MTCL1: variants seen among roughly 807,000 people sequenced by gnomAD.
The protein encoded by MTCL1 is microtubule crosslinking factor 1, also known as microtubule cross-linking factor 1.
A neutral mutation model predicts 141.4 loss-of-function variants in MTCL1; 79 were observed. That is an observed-to-expected ratio of 0.56 (90% CI 0.47 to 0.67). The LOEUF (loss-of-function observed/expected upper bound fraction) is 0.67. Ranked by LOEUF, MTCL1 falls within the 30% of genes least tolerant of loss-of-function variation. The probability of loss-of-function intolerance (pLI) is 0.00; values close to 1 mark genes in which losing one functional copy is unlikely to be tolerated. For synonymous variants in MTCL1, 914 were observed against 875.8 expected, an observed-to-expected ratio of 1.04 and a Z score of -0.77; for missense variants, 2,177 against 2,113.9, an observed-to-expected ratio of 1.03 and a Z score of -0.59.
chr18:8,780,327 C>T (rs2096528458), intron 5 of MTCL1, among the ~76,000 whole-genome samples: 1 of 152,244 alleles, frequency 6.6e-6, no homozygotes, highest in African/African-American at 2.4e-5. Flanking sequence ...TCGCCTGCAC[C>T]TCCTGGACTG....
chr18:8,809,750 G>A lies in MTCL1; in HGVS notation c.2604+2690G>A, dbSNP rs2076419422. ...GGTGCCTGGGCGATGGGCCATCACT[G>A]AGACAGGAACGCAGAGAGACAACCA... On this transcript the variant is annotated intron_variant, in intron 11 of 16. Coordinates refer to ENST00000359865, the Ensembl canonical transcript of MTCL1. 3 of 830,282 alleles carry A rather than the reference G, an allele frequency of 3.6e-6. No homozygotes were observed. The Admixed American group carries it at 8.8e-5, about 24-fold the overall frequency. 51.4% of individuals were successfully genotyped at this position (830,282 alleles called of 1,614,324 possible).
exon 17 of MTCL1, chr18:8,831,999 A>G (rs2077206003): frequency 1.5e-6 from 1 of 679,006 alleles, no homozygotes. Context: ...TGTGCCTGTA[A>G]TAACTTAATT....
At chr18:8,742,700 GCTGA>G (rs1409766565) in intron 4 of MTCL1, among the ~76,000 whole-genome samples, 8 of 151,928 alleles carry the variant, frequency 5.3e-5, no homozygotes, top group East Asian at 1.9e-4. Flanking sequence ...TTTCCTTTAT[GCTGA>G]CTATTTCAAA....
chr18:8,727,694 T>C (rs960093348), intron 4 of MTCL1, among the ~76,000 whole-genome samples: 8 of 152,210 alleles, frequency 5.3e-5, no homozygotes, highest in African/African-American at 1.9e-4. Context: ...GTGTATTTCT[T>C]CTGAACAGAA....
At chr18:8,706,396 C>G (rs2148731964) in exon 1 of MTCL1, 6 of 1,229,336 alleles carry the variant, frequency 4.9e-6, no homozygotes. Context: ...CCGTGAACCC[C>G]CACGAGGAGC....
intron 4 of MTCL1, among the ~76,000 whole-genome samples, chr18:8,730,168 C>T (rs905999343): frequency 9.9e-5 from 15 of 152,040 alleles, no homozygotes; most frequent in African/African-American, 3.6e-4. Context: ...CTGCCAGAGC[C>T]ACCCAGCCTT....
Position 8,786,361 on chromosome 18 carries a change from C to T in MTCL1, c.1887+270C>T, listed in dbSNP as rs1190057338. ...ACCTCCTGTTTCCGCAGACCGGGAGCACCTGGAAGTAGGCTGATTGGTGAG... is the reference window on the plus strand; with the variant it reads ...ACCTCCTGTTTCCGCAGACCGGGAGTACCTGGAAGTAGGCTGATTGGTGAG... On this transcript the variant is annotated intron_variant, in intron 7 of 16. Transcript: ENST00000359865. The T allele has an allele frequency of 4.5e-6, 3 of 668,726 alleles. No homozygotes were observed. In the African/African-American group the frequency reaches 5.3e-5, roughly 12 times the overall value. The allele number at this position is 668,726 out of a possible 1,614,324, so 41.4% of individuals were successfully genotyped here.
chr18:8,813,154 T>C (rs1225141598), exon 12 of MTCL1: 3 of 1,613,854 alleles, frequency 1.9e-6, no homozygotes, highest in Non-Finnish European at 8.5e-7. Context: ...CGGGAGAAGG[T>C]GGAACTTCTC....
At chr18:8,788,428 A>C (rs1196638539) in intron 7 of MTCL1, among the ~76,000 whole-genome samples, 1 of 152,208 alleles carries the variant, frequency 6.6e-6, no homozygotes, top group Admixed American at 6.5e-5. Context: ...TTTAAGCAGA[A>C]AAAGGATTTG....
intron 16 of MTCL1, 187 bp from the exon 15 acceptor site, chr18:8,831,420 C>G: frequency 1.4e-6 from 2 of 1,418,428 alleles, no homozygotes; most frequent in Middle Eastern, 2.1e-4. Flanking sequence ...TGTCACTGAT[C>G]ATTTGTGTTG....
intron 4 of MTCL1, among the ~76,000 whole-genome samples, chr18:8,748,319 A>G (rs1480723052): frequency 6.6e-6 from 1 of 152,130 alleles, no homozygotes; most frequent in Non-Finnish European, 1.5e-5. Context: ...AGGCAGGAGG[A>G]TCGCTTGAGC....
chr18:8,789,570 C>T (rs1237454266), intron 7 of MTCL1: 9 of 985,186 alleles, frequency 9.1e-6, no homozygotes, highest in Non-Finnish European at 1.1e-5. Flanking sequence ...AAGACATGGA[C>T]GGGAGTTCCG....
chr18:8,720,707 A>C (rs183700496), intron 4 of MTCL1, among the ~76,000 whole-genome samples: 1 of 152,268 alleles, frequency 6.6e-6, no homozygotes, highest in Non-Finnish European at 1.5e-5. Context: ...GAAAGCCCCC[A>C]AAAGCAAAGA....
intron 3 of MTCL1, among the ~76,000 whole-genome samples, chr18:8,719,770 G>A (rs909724384): frequency 2.0e-5 from 3 of 152,010 alleles, no homozygotes; most frequent in Non-Finnish European, 2.9e-5. Flanking sequence ...GGGTCTCACT[G>A]TGTTTCCCAG....
At chr18:8,809,544 G>C in intron 11 of MTCL1, 1 of 1,536,218 alleles carries the variant, frequency 6.5e-7, no homozygotes, top group South Asian at 1.2e-5. Context: ...GAAGAGCCTT[G>C]GGTTGCAGAG....
exon 1 of MTCL1, chr18:8,706,174 C>G (rs1310905617): frequency 1.6e-5 from 19 of 1,223,158 alleles, no homozygotes; most frequent in Non-Finnish European, 1.9e-5. Flanking sequence ...GCCACCCGCC[C>G]GCACCGTCGG....
At chr18:8,717,489 G>A (rs538757475) in intron 1 of MTCL1, 2 of 152,832 alleles carry the variant, frequency 1.3e-5, no homozygotes, top group South Asian at 4.2e-4. Context: ...CAGGAGGCCT[G>A]GAAAGAAGGA....
At chr18:8,716,796 C>CT (rs1434104494), upstream of MTCL1, among the ~76,000 whole-genome samples, 5 of 151,950 alleles carry the variant, frequency 3.3e-5, no homozygotes, top group African/African-American at 1.2e-4. Context: ...ATGGGAATAA[C>CT]TGAGTGCATG....
At chr18:8,792,972 A>C (rs932059109) in intron 7 of MTCL1, 26 bp from the exon 7 acceptor site, 1 of 1,610,856 alleles carries the variant, frequency 6.2e-7, no homozygotes, top group African/African-American at 1.3e-5. Context: ...TTTCCACTAA[A>C]CCCCTTCCTT....
Sources: gnomAD v4.1 joint callset for allele counts (sites outside exome capture counted in the v4.1 genomes callset) on GRCh38, gnomAD v4.1.1 for gene constraint, MANE v1.5 for transcripts, NCBI Gene and HGNC (gene_info 2026-07-23, HGNC 2026-07-21) for gene names.